Variants in ATAD2B observed in about 807,000 individuals in gnomAD.
ATAD2B encodes ATPase family AAA domain containing 2B.
In ATAD2B, 40 loss-of-function variants were observed where a neutral mutation model predicts 167.6. That is an observed-to-expected ratio of 0.24 (90% CI 0.19 to 0.31). The LOEUF is 0.31. Among genes scored for constraint, ATAD2B ranks in the 10% least tolerant of loss-of-function variants. The pLI is 1.00. For missense variants in ATAD2B, 1,242 were observed against 1,757.2 expected, an observed-to-expected ratio of 0.71 and a Z score of 5.24; for synonymous variants, 579 against 596.5, an observed-to-expected ratio of 0.97 and a Z score of 0.43.
At chr2:23,848,165 TA>T (rs781032928) in intron 13 of ATAD2B, among the ~76,000 whole-genome samples, 14 of 152,170 alleles carry the variant, frequency 9.2e-5, no homozygotes, top group Non-Finnish European at 1.8e-4. Flanking sequence ...ATATTTAAGA[TA>T]TTTTTATTTA....
chr2:23,894,051 G>GT (rs1008906096), intron 2 of ATAD2B, among the ~76,000 whole-genome samples: 1 of 152,060 alleles, frequency 6.6e-6, no homozygotes, highest in African/African-American at 2.4e-5. Context: ...CATTAGTTCA[G>GT]TTTTTTACTC....
At chr2:23,798,349 A>G in intron 18 of ATAD2B, 26 bp from the exon 19 acceptor site, 1 of 1,524,062 alleles carries the variant, frequency 6.6e-7, no homozygotes, top group Non-Finnish European at 9.0e-7. Context: ...AACCAACATT[A>G]AACAACTCAA....
At chr2:23,730,638 C>A in the ATAD2B span, among the ~76,000 whole-genome samples, 1 of 132,570 alleles carries the variant, frequency 7.5e-6, no homozygotes, top group Non-Finnish European at 1.6e-5. Flanking sequence ...TGCACTCCAG[C>A]CCGGGTGACA....
chr2:23,688,556 C>T, the ATAD2B span, among the ~76,000 whole-genome samples: 1 of 152,168 alleles, frequency 6.6e-6, no homozygotes. Context: ...CATTCCTCTG[C>T]TGAGCAGAGG....
At chr2:23,830,001 T>C (rs1261828509) in intron 14 of ATAD2B, among the ~76,000 whole-genome samples, 1 of 152,206 alleles carries the variant, frequency 6.6e-6, no homozygotes, top group African/African-American at 2.4e-5. Context: ...TTTTTTGTTT[T>C]TGAGACTGAG....
intron 17 of ATAD2B, among the ~76,000 whole-genome samples, chr2:23,819,492 CAA>C (rs1171377752): frequency 3.3e-4 from 25 of 76,174 alleles, no homozygotes; most frequent in Non-Finnish European, 3.1e-4. Context: ...CTCTGCCTCC[CAA>C]AAAAAAAAAA....
chr2:23,889,348 A>G (rs1023953370), intron 2 of ATAD2B, among the ~76,000 whole-genome samples: 1 of 151,942 alleles, frequency 6.6e-6, no homozygotes, highest in Non-Finnish European at 1.5e-5. Flanking sequence ...TTGTATTCTT[A>G]GTACAGATGG....
At chr2:23,720,117 C>G in the ATAD2B span, among the ~76,000 whole-genome samples, 1 of 152,210 alleles carries the variant, frequency 6.6e-6, no homozygotes, top group African/African-American at 2.4e-5. Context: ...AAAAAAACCT[C>G]TGAGCTCAGG....
At chr2:23,781,886 C>A (rs1300251173) in intron 22 of ATAD2B, among the ~76,000 whole-genome samples, 1 of 152,000 alleles carries the variant, frequency 6.6e-6, no homozygotes, top group Non-Finnish European at 1.5e-5. Flanking sequence ...GATCACAGCT[C>A]ACTGCAGCCT....
chr2:23,845,570 A>ATTTTTT (rs71402518), intron 13 of ATAD2B, among the ~76,000 whole-genome samples: 7 of 87,646 alleles, frequency 8.0e-5, no homozygotes, highest in African/African-American at 9.8e-5. Flanking sequence ...GCATGCTGGA[A>ATTTTTT]TTTTTTTTTT....
At chr2:23,812,097 G>C (rs534418023) in intron 17 of ATAD2B, among the ~76,000 whole-genome samples, 1 of 151,980 alleles carries the variant, frequency 6.6e-6, no homozygotes, top group East Asian at 1.9e-4. Flanking sequence ...TAAGAATAAA[G>C]CAAATTTAAA....
At chr2:23,822,472 G>A (rs761720015) in intron 16 of ATAD2B, among the ~76,000 whole-genome samples, 28 of 150,936 alleles carry the variant, frequency 1.9e-4, no homozygotes, top group Non-Finnish European at 8.9e-5. Context: ...TTGAACCTGG[G>A]AGGCAGAGGT....
intron 11 of ATAD2B, among the ~76,000 whole-genome samples, chr2:23,864,287 G>T (rs1347241911): frequency 6.6e-6 from 1 of 152,024 alleles, no homozygotes; most frequent in African/African-American, 2.4e-5. Context: ...TTACAGACTT[G>T]AGCCACCGTG....
Position 23,887,999 on chromosome 2 carries a change from G to C in ATAD2B, c.419-14C>G, listed in dbSNP as rs370338344. On this transcript the variant is annotated splice_polypyrimidine_tract_variant and intron_variant, in intron 3 of 27. Transcript: ENST00000238789. ...GGCTTCGAAGGGCTACAAGAAGAGA[G>C]ATATTTACATTTCAAAGTACAGAAT... 2.4e-5 allele frequency: 37 copies of C among 1,519,774 alleles called. No individual in the cohort carries two copies. The African/African-American group carries it at 5.0e-4, about 21-fold the overall frequency. 94.1% of individuals were successfully genotyped at this position (1,519,774 alleles called of 1,614,324 possible).
the ATAD2B span, among the ~76,000 whole-genome samples, chr2:23,731,976 TA>T: frequency 9.0e-6 from 1 of 111,122 alleles, no homozygotes; most frequent in Non-Finnish European, 2.0e-5. Context: ...GACTGTCTCC[TA>T]GGGGGCAAAA....
chr2:23,725,238 C>T, the ATAD2B span, among the ~76,000 whole-genome samples: 3 of 151,934 alleles, frequency 2.0e-5, no homozygotes, highest in Non-Finnish European at 4.4e-5. Context: ...GAAATAAAGG[C>T]AAAATAAAGA....
chr2:23,926,708 A>C lies in ATAD2B; in HGVS notation c.63T>G (p.Pro21=). 1 of 1,550,152 alleles carries C rather than the reference A, an allele frequency of 6.5e-7. No homozygotes were observed. The highest frequency in any genetic ancestry group is 8.7e-7 in the Non-Finnish European group (1 of 1,147,182). The part of the protein sequence containing the change: ...LLGSKSPGPG[P]GPGAGAEPGA... Reference sequence around the variant, plus strand: ...CAGGCTCTGCTCCGGCCCCAGGCCCAGGCCCGGGACCAGGAGACTTGGACC... The same window carrying C: ...CAGGCTCTGCTCCGGCCCCAGGCCCCGGCCCGGGACCAGGAGACTTGGACC... The change falls in exon 1 of 28, where the codon CCT becomes CCG. Residue 21 remains proline, a synonymous_variant. Coordinates refer to ENST00000238789, the MANE Select transcript of ATAD2B (RefSeq NM_017552.4).
At chr2:23,834,148 C>CTTTCT (rs1689518909) in intron 13 of ATAD2B, 70 bp from the exon 14 acceptor site, 2 of 113,822 alleles carry the variant, frequency 1.8e-5, no homozygotes, top group Non-Finnish European at 1.6e-5. Context: ...GTTTATCAGT[C>CTTTCT]TTTCTTTTTT....
At chr2:23,692,155 C>T in the ATAD2B span, among the ~76,000 whole-genome samples, 1 of 152,262 alleles carries the variant, frequency 6.6e-6, no homozygotes, top group Non-Finnish European at 1.5e-5. Flanking sequence ...CAAATGGCAC[C>T]ATGAGGGCTG....
Sources: allele counts gnomAD v4.1 joint callset (sites outside exome capture counted in the v4.1 genomes callset), GRCh38; gene constraint gnomAD v4.1.1; transcripts MANE v1.5; gene names NCBI Gene and HGNC (gene_info 2026-07-23, HGNC 2026-07-21).